The following MDGA2 variants were observed in gnomAD, a reference collection of about 807,000 sequenced individuals.
MDGA2 encodes the protein MAM domain containing glycosylphosphatidylinositol anchor 2.
MDGA2 carries 40 observed loss-of-function variants against 117.8 expected under a neutral mutation model. The ratio of observed to expected loss-of-function variants is 0.34; its 90% confidence interval spans 0.26 to 0.44. The LOEUF (loss-of-function observed/expected upper bound fraction) is 0.44. Ranked by LOEUF, MDGA2 falls within the 20% of genes least tolerant of loss-of-function variation. The pLI is 1.00. For missense variants in MDGA2, 1,123 were observed against 1,250.6 expected, an observed-to-expected ratio of 0.90 and a Z score of 1.54; for synonymous variants, 452 against 439.0, an observed-to-expected ratio of 1.03 and a Z score of -0.37.
intron 1 of MDGA2, among the ~76,000 whole-genome samples, chr14:47,650,441 G>A (rs1426738620): frequency 3.9e-5 from 6 of 152,352 alleles, no homozygotes. Context: ...CACTGCCTGT[G>A]TGGAGTGTGC....
chr14:47,373,327 T>C (rs1276544368), intron 1 of MDGA2, among the ~76,000 whole-genome samples: 1 of 152,076 alleles, frequency 6.6e-6, no homozygotes, highest in Non-Finnish European at 1.5e-5. Flanking sequence ...ATCCTAGGTA[T>C]ATATCCAAGA....
At chr14:47,144,303 A>G (rs914812632) in intron 3 of MDGA2, 29 bp from the exon 4 acceptor site, 2 of 1,509,736 alleles carry the variant, frequency 1.3e-6, no homozygotes, top group Admixed American at 4.0e-5. Flanking sequence ...ACCAAATGGC[A>G]ATGTTATGAG....
chr14:46,950,540 C>T (rs10484197), intron 9 of MDGA2, among the ~76,000 whole-genome samples: 17,868 of 151,912 alleles, frequency 0.12, 2,003 homozygotes, highest in African/African-American at 0.27. Flanking sequence ...GGCTAAAATA[C>T]TGGGATCCAC....
intron 2 of MDGA2, among the ~76,000 whole-genome samples, chr14:47,231,958 G>T (rs1392109390): frequency 6.6e-6 from 1 of 152,008 alleles, no homozygotes; most frequent in Non-Finnish European, 1.5e-5. Context: ...GATCAAATGG[G>T]TTATGGGGGT....
chr14:47,378,245 A>G (rs1891526524), intron 1 of MDGA2, among the ~76,000 whole-genome samples: 2 of 152,206 alleles, frequency 1.3e-5, no homozygotes, highest in Non-Finnish European at 2.9e-5. Flanking sequence ...AGATAAAACC[A>G]CAAAGATGGG....
At chr14:46,977,824 C>T (rs982692629) in intron 8 of MDGA2, among the ~76,000 whole-genome samples, 9 of 143,360 alleles carry the variant, frequency 6.3e-5, no homozygotes, top group African/African-American at 2.3e-4. Context: ...TGTAGGGGGA[C>T]TCGGTAAAAA....
chr14:47,088,640 A>G (rs1413256069), intron 6 of MDGA2, among the ~76,000 whole-genome samples: 1 of 152,188 alleles, frequency 6.6e-6, no homozygotes, highest in African/African-American at 2.4e-5. Context: ...GAAATTGCCA[A>G]TTAATTCTGA....
At chr14:47,384,422 T>C (rs1891711952) in intron 1 of MDGA2, among the ~76,000 whole-genome samples, 1 of 151,836 alleles carries the variant, frequency 6.6e-6, no homozygotes, top group Non-Finnish European at 1.5e-5. Flanking sequence ...ATTTTATTTT[T>C]CCTCAAGCAG....
chr14:46,940,713 G>C (rs999717489), intron 9 of MDGA2, among the ~76,000 whole-genome samples: 3 of 152,124 alleles, frequency 2.0e-5, no homozygotes, highest in African/African-American at 7.2e-5. Context: ...GTGTGTGCGT[G>C]GAGGGGAACA....
At chr14:46,974,186 A>T (rs143581832) in intron 8 of MDGA2, among the ~76,000 whole-genome samples, 241 of 152,304 alleles carry the variant, frequency 1.6e-3, no homozygotes, top group African/African-American at 5.6e-3. Flanking sequence ...ATTAAAGGAC[A>T]TGTGCAATGG....
chr14:47,023,182 A>G (rs1888350187), intron 8 of MDGA2, among the ~76,000 whole-genome samples: 1 of 145,362 alleles, frequency 6.9e-6, no homozygotes, highest in African/African-American at 2.6e-5. Context: ...ATTGCAACCG[A>G]AAGTATTCCC....
chr14:47,000,640 T>C (rs974895624), intron 8 of MDGA2, among the ~76,000 whole-genome samples: 2 of 151,282 alleles, frequency 1.3e-5, no homozygotes, highest in Non-Finnish European at 3.0e-5. Flanking sequence ...TTGAGATCTT[T>C]TAGGCCTTTG....
chr14:46,980,668 G>T (rs1886635893), intron 8 of MDGA2, among the ~76,000 whole-genome samples: 1 of 152,132 alleles, frequency 6.6e-6, no homozygotes, highest in South Asian at 2.1e-4. Flanking sequence ...AATTGCCACA[G>T]CCTTCAGTAA....
intron 8 of MDGA2, among the ~76,000 whole-genome samples, chr14:47,000,438 CATAT>C (rs1887489693): frequency 1.2e-5 from 1 of 82,204 alleles, no homozygotes; most frequent in Non-Finnish European, 2.7e-5. Flanking sequence ...AATATATATA[CATAT>C]AAATATATAT....
intron 1 of MDGA2, among the ~76,000 whole-genome samples, chr14:47,441,341 C>G (rs999537695): frequency 1.3e-5 from 2 of 152,108 alleles, no homozygotes; most frequent in Admixed American, 6.6e-5. Context: ...GGTGAGGTTT[C>G]AGGAACACAA....
At chr14:47,200,450 C>G (rs537947884) in intron 3 of MDGA2, 1 of 440,570 alleles carries the variant, frequency 2.3e-6, no homozygotes, top group South Asian at 5.9e-5. Flanking sequence ...ATGCCATAAT[C>G]AATATATGAC....
chr14:47,595,468 A>T (rs1261540041), intron 1 of MDGA2, among the ~76,000 whole-genome samples: 1 of 146,390 alleles, frequency 6.8e-6, no homozygotes, highest in African/African-American at 2.5e-5. Flanking sequence ...TGGGAGGTGG[A>T]GGTTTCAGTG....
At chr14:47,535,619 A>G (rs558275904) in intron 1 of MDGA2, among the ~76,000 whole-genome samples, 1 of 152,356 alleles carries the variant, frequency 6.6e-6, no homozygotes, top group African/African-American at 2.4e-5. Flanking sequence ...GACAGGCTAA[A>G]AATAGAAGCA....
rs373713256 is a variant in MDGA2 at position 46,936,742 on chromosome 14, C to A, written c.2090-16582G>T. On this transcript the variant is annotated intron_variant, in intron 9 of 16. Transcript: ENST00000399232. ...TGAACATTCCTTCATAAAAAAAAAA[C>A]CAAAAGCTCTCAATAAATTAGGTAT... Among the ~76,000 whole-genome samples, 1,074 of 150,868 alleles carry A rather than the reference C, an allele frequency of 7.1e-3. 11 individuals carry two copies. The highest frequency in any genetic ancestry group is 0.024 in the African/African-American group (1,007 of 41,172).
Sources: gnomAD v4.1 joint callset for allele counts (sites outside exome capture counted in the v4.1 genomes callset) on GRCh38, gnomAD v4.1.1 for gene constraint, MANE v1.5 for transcripts, NCBI Gene and HGNC (gene_info 2026-07-23, HGNC 2026-07-21) for gene names.